Variants in GRB14 observed in about 807,000 individuals in gnomAD.
GRB14 encodes growth factor receptor bound protein 14.
Under a neutral mutation model 69.1 loss-of-function variants are expected in GRB14, and 38 were observed. That is an observed-to-expected ratio of 0.55 (90% confidence interval 0.42 to 0.72). GRB14 has a LOEUF of 0.72. GRB14 is among the 30% of genes least tolerant of loss of function. GRB14 has a pLI of 0.00. For synonymous variants in GRB14, 247 were observed against 241.3 expected, an observed-to-expected ratio of 1.02 and a Z score of -0.22; for missense variants, 666 against 666.1, an observed-to-expected ratio of 1.00 and a Z score of 0.00.
chr2:164,568,771 C>A (rs1689049924), intron 2 of GRB14, among the ~76,000 whole-genome samples: 1 of 152,058 alleles, frequency 6.6e-6, no homozygotes, highest in Non-Finnish European at 1.5e-5. Context: ...AGATAAGAAT[C>A]TGTTTACATT....
At chr2:164,589,457 T>C (rs1269079491) in intron 2 of GRB14, among the ~76,000 whole-genome samples, 1 of 152,114 alleles carries the variant, frequency 6.6e-6, no homozygotes, top group Non-Finnish European at 1.5e-5. Context: ...AGATTAGGCA[T>C]CTGGTGAAAG....
At chr2:164,603,849 C>T (rs958705078) in intron 2 of GRB14, among the ~76,000 whole-genome samples, 11 of 151,950 alleles carry the variant, frequency 7.2e-5, no homozygotes, top group African/African-American at 2.7e-4. Context: ...AAGATAATTG[C>T]AATGTTTACA....
At chr2:164,498,875 A>G (rs901629290) in intron 9 of GRB14, among the ~76,000 whole-genome samples, 2 of 152,158 alleles carry the variant, frequency 1.3e-5, no homozygotes, top group African/African-American at 2.4e-5. Flanking sequence ...TGGTTCATCT[A>G]TATTTCTAAA....
chr2:164,504,283 T>C (rs1040612267), intron 8 of GRB14, among the ~76,000 whole-genome samples: 1 of 152,126 alleles, frequency 6.6e-6, no homozygotes, highest in African/African-American at 2.4e-5. Flanking sequence ...ACTCTCGGTT[T>C]AGCCAAGATA....
intron 3 of GRB14, among the ~76,000 whole-genome samples, chr2:164,536,736 T>C (rs1309571745): frequency 6.6e-6 from 1 of 152,224 alleles, no homozygotes; most frequent in East Asian, 1.9e-4. Context: ...AACCTATGGA[T>C]GTACTATAAT....
chr2:164,550,034 A>T (rs1009347824), intron 2 of GRB14, among the ~76,000 whole-genome samples: 1 of 152,172 alleles, frequency 6.6e-6, no homozygotes, highest in African/African-American at 2.4e-5. Flanking sequence ...ATAGAATCAG[A>T]CTTTATGAAA....
At chr2:164,536,628 T>C (rs1020576288) in intron 3 of GRB14, among the ~76,000 whole-genome samples, 3 of 152,182 alleles carry the variant, frequency 2.0e-5, no homozygotes, top group African/African-American at 7.2e-5. Flanking sequence ...CATATGTTTA[T>C]GCACTGATTT....
chr2:164,614,602 T>G (rs1352447744), intron 2 of GRB14, among the ~76,000 whole-genome samples: 1 of 152,184 alleles, frequency 6.6e-6, no homozygotes, highest in Non-Finnish European at 1.5e-5. Flanking sequence ...GTCCAGGATA[T>G]ACTTCAAAAT....
intron 2 of GRB14, among the ~76,000 whole-genome samples, chr2:164,584,092 T>C (rs1689478053): frequency 6.6e-6 from 1 of 151,208 alleles, no homozygotes; most frequent in African/African-American, 2.4e-5. Context: ...TTCAAGCAAT[T>C]CTCCTGCCTC....
At chr2:164,566,970 A>G (rs1688990965) in intron 2 of GRB14, among the ~76,000 whole-genome samples, 1 of 152,132 alleles carries the variant, frequency 6.6e-6, no homozygotes, top group Non-Finnish European at 1.5e-5. Context: ...AAAACAAACC[A>G]TATGATAGAA....
At chr2:164,548,948 G>A (rs1410225727) in intron 2 of GRB14, among the ~76,000 whole-genome samples, 1 of 152,028 alleles carries the variant, frequency 6.6e-6, no homozygotes, top group African/African-American at 2.4e-5. Flanking sequence ...TGCGATTTCG[G>A]CTCACTGTAG....
intron 8 of GRB14, among the ~76,000 whole-genome samples, chr2:164,507,606 C>T (rs555784839): frequency 6.6e-6 from 1 of 152,144 alleles, no homozygotes; most frequent in South Asian, 2.1e-4. Context: ...TTAATAATAA[C>T]AATAAATTAT....
chr2:164,565,801 T>C (rs763061873), intron 2 of GRB14, among the ~76,000 whole-genome samples: 1 of 152,228 alleles, frequency 6.6e-6, no homozygotes, highest in Non-Finnish European at 1.5e-5. Context: ...ATTTACTTGA[T>C]AGAGAATCTA....
intron 12 of GRB14, among the ~76,000 whole-genome samples, chr2:164,495,895 G>A (rs671689): frequency 0.35 from 53,696 of 151,932 alleles, 9,967 homozygotes; most frequent in East Asian, 0.62. Flanking sequence ...TTTTTTATAC[G>A]ATCATTTCAT....
intron 2 of GRB14, among the ~76,000 whole-genome samples, chr2:164,588,310 A>G (rs936283254): frequency 6.6e-6 from 1 of 152,228 alleles, no homozygotes; most frequent in Non-Finnish European, 1.5e-5. Context: ...TCATCTTAAC[A>G]GCAGCAGCCT....
At chr2:164,508,907 T>C in intron 6 of GRB14, 55 bp from the exon 7 acceptor site, 1 of 1,219,548 alleles carries the variant, frequency 8.2e-7, no homozygotes, top group East Asian at 2.5e-5. Flanking sequence ...CTTTTTTGTG[T>C]GTTTATATTA....
At chr2:164,543,329 A>G (rs1324263421) in intron 3 of GRB14, among the ~76,000 whole-genome samples, 1 of 152,012 alleles carries the variant, frequency 6.6e-6, no homozygotes, top group Non-Finnish European at 1.5e-5. Context: ...AGTGGTACAT[A>G]TAAATCATGG....
chr2:164,541,362 C>T (rs1688234899), intron 3 of GRB14, among the ~76,000 whole-genome samples: 1 of 151,830 alleles, frequency 6.6e-6, no homozygotes, highest in African/African-American at 2.4e-5. Flanking sequence ...ATCTCAGCTA[C>T]TTGGGAGGCT....
chr2:164,613,799 A>G (rs1460802070), intron 2 of GRB14, among the ~76,000 whole-genome samples: 1 of 152,206 alleles, frequency 6.6e-6, no homozygotes, highest in African/African-American at 2.4e-5. Flanking sequence ...TTGTCTGAAC[A>G]ATCAATACCT....
Sources: allele counts gnomAD v4.1 joint callset (sites outside exome capture counted in the v4.1 genomes callset), GRCh38; gene constraint gnomAD v4.1.1; transcripts MANE v1.5; gene names NCBI Gene and HGNC (gene_info 2026-07-23, HGNC 2026-07-21).